SLC6A6: variants seen among roughly 807,000 people sequenced by gnomAD.
The protein encoded by SLC6A6 is sodium- and chloride-dependent taurine transporter.
Under a neutral mutation model 68.8 loss-of-function variants are expected in SLC6A6, and 16 were observed. That is an observed-to-expected ratio of 0.23 (90% CI 0.16 to 0.35). The LOEUF (loss-of-function observed/expected upper bound fraction) is 0.35, where lower values mean the gene tolerates loss of function less well. Ranked by LOEUF, SLC6A6 falls within the 10% of genes least tolerant of loss-of-function variation. The probability of loss-of-function intolerance (pLI) is 1.00; values close to 1 mark genes in which losing one functional copy is unlikely to be tolerated. For missense variants in SLC6A6, 474 were observed against 802.8 expected, an observed-to-expected ratio of 0.59 and a Z score of 4.95; for synonymous variants, 312 against 315.4, an observed-to-expected ratio of 0.99 and a Z score of 0.12.
rs1700160808 is a variant in SLC6A6, at chr3:14,447,756, A to G, written c.539A>G (p.Lys180Arg). 1.9e-6 allele frequency: 3 copies of G among 1,614,104 alleles called. No individual in the cohort carries two copies. In the African/African-American group the frequency reaches 4.0e-5, roughly 22 times the overall value. ...HCMEDTMRKN[K>R]SVWITISSTN... ...ATGGAGGACACCATGCGCAAGAACA[A>G]GAGTGTCTGGATCACCATCAGCTCC... Residue 180 changes from lysine (K) to arginine (R), a missense_variant, in exon 5 of 15, where the codon AAG (lysine) becomes AGG (arginine). Physicochemically the swap from Lys to Arg is conservative, Grantham distance 26. Transcript: ENST00000622186.
chr3:14,409,732 C>T (rs928023220), intron 1 of SLC6A6, among the ~76,000 whole-genome samples: 6 of 152,222 alleles, frequency 3.9e-5, no homozygotes, highest in South Asian at 2.1e-4. Context: ...AGTCTGGGAA[C>T]GCCGCCTCAG....
At chr3:14,480,021 A>G (rs182565368) in intron 13 of SLC6A6, among the ~76,000 whole-genome samples, 2 of 152,198 alleles carry the variant, frequency 1.3e-5, no homozygotes, top group African/African-American at 4.8e-5. Context: ...GTGACCTGCT[A>G]TCAGGCCAGA....
intron 9 of SLC6A6, among the ~76,000 whole-genome samples, chr3:14,471,130 C>CTTTTTT (rs754511089): frequency 7.5e-4 from 62 of 82,968 alleles, no homozygotes; most frequent in Non-Finnish European, 8.6e-4. Flanking sequence ...TGCTTCTTGA[C>CTTTTTT]TTTTTTTTTT....
At chr3:14,448,564 G>A (rs1357709356) in intron 5 of SLC6A6, among the ~76,000 whole-genome samples, 1 of 152,174 alleles carries the variant, frequency 6.6e-6, no homozygotes, top group Non-Finnish European at 1.5e-5. Context: ...GTCAATCCCC[G>A]AAACCCAAGT....
At chr3:14,426,592 GA>G (rs1345472287) in intron 2 of SLC6A6, among the ~76,000 whole-genome samples, 3 of 152,126 alleles carry the variant, frequency 2.0e-5, no homozygotes, top group African/African-American at 7.2e-5. Context: ...TTTAAGGAAA[GA>G]AAAAAATATT....
rs1045448423 is a variant in SLC6A6 at position 14,472,447 on chromosome 3, G to C, written c.1209+130G>C. On this transcript the variant is annotated intron_variant, in intron 10 of 14. Transcript: ENST00000622186. This position sits in a 1 kb window ranked among gnomAD's most constrained non-coding sequence, Gnocchi z 4.5. ...CAGTCAGACTTCCAGTGCTTCAGCT[G>C]TGAGGGTTCCTCCAGGACACCAGGA... The C allele has an allele frequency of 6.1e-6, 4 of 659,726 alleles. No individual in the cohort carries two copies. The highest frequency in any genetic ancestry group is 1.1e-5 in the Non-Finnish European group (4 of 368,916). The allele number at this position is 659,726 out of a possible 1,614,324, so 40.9% of individuals were successfully genotyped here. A position where few individuals can be genotyped will look rare whatever the true frequency, so the allele number is the denominator to read the frequency against.
Position 14,477,482 on chromosome 3 carries a change from A to C in SLC6A6, c.1347+140A>C, listed in dbSNP as rs1700906103. 1.2e-6 allele frequency: 1 copy of C among 835,788 alleles called. No homozygotes were observed. Among genetic ancestry groups the C allele is most frequent in the Non-Finnish European group, 1.9e-6 (1 of 524,206 alleles). The allele number at this position is 835,788 out of a possible 1,614,324, so 51.8% of individuals were successfully genotyped here. On this transcript the variant is annotated intron_variant, in intron 11 of 14. Coordinates refer to ENST00000622186, the MANE Select transcript of SLC6A6 (RefSeq NM_003043.6). This position sits in a 1 kb window ranked among gnomAD's most constrained non-coding sequence, Gnocchi z 4.2. Reference sequence around the variant, plus strand: ...CACCCAATTCAGGGGTCCTGCTTGGACCAACACTGGGGGTAGCACGAGGGG... The same window carrying C: ...CACCCAATTCAGGGGTCCTGCTTGGCCCAACACTGGGGGTAGCACGAGGGG...
At chr3:14,417,255 C>T (rs1170647265) in intron 2 of SLC6A6, among the ~76,000 whole-genome samples, 1 of 152,170 alleles carries the variant, frequency 6.6e-6, no homozygotes, top group Non-Finnish European at 1.5e-5. Flanking sequence ...TTACAGTGGC[C>T]TCGCATTATG....
Position 14,477,379 on chromosome 3 carries a change from C to T in SLC6A6, c.1347+37C>T, listed in dbSNP as rs1299437080. On this transcript the variant is annotated intron_variant, in intron 11 of 14. Transcript: ENST00000622186. This position sits in a 1 kb window ranked among gnomAD's most constrained non-coding sequence, Gnocchi z 4.2. ...TCTCAGCTGTGTTTCAGGCTTGGTGCTCCAGTGCCCTCCTCAAGGCCATAG... is the reference window on the plus strand; with the variant it reads ...TCTCAGCTGTGTTTCAGGCTTGGTGTTCCAGTGCCCTCCTCAAGGCCATAG... 6.2e-7 allele frequency: 1 copy of T among 1,605,566 alleles called. No individual in the cohort carries two copies. Among genetic ancestry groups the T allele is most frequent in the Admixed American group, 1.7e-5 (1 of 59,812 alleles).
At chr3:14,410,335 T>C (rs1056209249) in intron 1 of SLC6A6, among the ~76,000 whole-genome samples, 3 of 152,178 alleles carry the variant, frequency 2.0e-5, no homozygotes, top group East Asian at 3.8e-4. Context: ...TTCGGTGATA[T>C]TGTTCATGAC....
intron 10 of SLC6A6, among the ~76,000 whole-genome samples, chr3:14,475,198 ATT>A (rs541924411): frequency 2.7e-5 from 4 of 145,694 alleles, no homozygotes; most frequent in Non-Finnish European, 3.0e-5. Flanking sequence ...TACCTGGCTA[ATT>A]TTTTTTTTTT....
chr3:14,429,987 G>A (rs1030504106), intron 2 of SLC6A6, among the ~76,000 whole-genome samples: 1 of 152,152 alleles, frequency 6.6e-6, no homozygotes, highest in African/African-American at 2.4e-5. Context: ...GAAGAGTCTT[G>A]GGTGGGCGGG....
chr3:14,411,549 C>T (rs538900885), intron 1 of SLC6A6, among the ~76,000 whole-genome samples: 58 of 152,280 alleles, frequency 3.8e-4, no homozygotes, highest in Non-Finnish European at 5.7e-4. Context: ...GGCCTGAGCT[C>T]GGACCTTTAT....
rs1479572632 is a variant in SLC6A6, at chr3:14,473,187, T to C, written c.1209+870T>C. On this transcript the variant is annotated intron_variant, in intron 10 of 14. Coordinates refer to ENST00000622186, the MANE Select transcript of SLC6A6 (RefSeq NM_003043.6). The stretch of plus-strand genomic sequence containing the variant: ...ACTTGAGCTCCTGGGCCCCTTTCCC[T>C]GGAAATAGGTGTATTTTTGACAGGG... Among the ~76,000 whole-genome samples the C allele has an allele frequency of 2.0e-5, 3 of 152,190 alleles. No homozygotes were observed. The East Asian group carries it at 5.8e-4, about 29-fold the overall frequency.
chr3:14,419,586 C>T (rs1047811022), intron 2 of SLC6A6, among the ~76,000 whole-genome samples: 1 of 152,170 alleles, frequency 6.6e-6, no homozygotes, highest in African/African-American at 2.4e-5. Flanking sequence ...GGAGGAGTCA[C>T]AGAACTACCC....
chr3:14,439,370 G>A lies in SLC6A6; in HGVS notation c.-11-4254G>A, dbSNP rs773379061. Among the ~76,000 whole-genome samples the A allele has an allele frequency of 2.6e-5, 4 of 152,256 alleles. No individual in the cohort carries two copies. The East Asian group carries it at 5.8e-4, about 22-fold the overall frequency. On this transcript the variant is annotated intron_variant, in intron 2 of 14. Transcript: ENST00000622186. ...AATCTTAATATTAAACAGGGAGACAGCAAAGGGATATTGTGGCAAGCCATG... is the reference window on the plus strand; with the variant it reads ...AATCTTAATATTAAACAGGGAGACAACAAAGGGATATTGTGGCAAGCCATG...
chr3:14,484,116 G>A (rs1441647307), intron 14 of SLC6A6, among the ~76,000 whole-genome samples: 1 of 152,176 alleles, frequency 6.6e-6, no homozygotes, highest in African/African-American at 2.4e-5. Flanking sequence ...TTGACAGTTG[G>A]CAAGAGGTGG....
At position 14,481,847 on chromosome 3, in the gene SLC6A6, T is replaced by A; in HGVS notation, c.1722+6T>A. On this transcript the variant is annotated splice_donor_region_variant and intron_variant, in intron 14 of 14. Transcript: ENST00000622186. This position sits in a 1 kb window ranked among gnomAD's most constrained non-coding sequence, Gnocchi z 4.7. Reference sequence around the variant, plus strand: ...CTGAGGGGCCGTTCCTTGTGGTAAGTGCTTGGGCCCAGGGCCAGGGGAGGT... The same window carrying A: ...CTGAGGGGCCGTTCCTTGTGGTAAGAGCTTGGGCCCAGGGCCAGGGGAGGT... 1 of 1,613,002 alleles carries A rather than the reference T, an allele frequency of 6.2e-7. No homozygotes were observed. The highest frequency in any genetic ancestry group is 1.1e-5 in the South Asian group (1 of 91,028).
chr3:14,472,132 G>T lies in SLC6A6; in HGVS notation c.1097-73G>T. The T allele has an allele frequency of 1.1e-6, 1 of 905,624 alleles. No homozygotes were observed. Among genetic ancestry groups the T allele is most frequent in the Non-Finnish European group, 1.8e-6 (1 of 545,860 alleles). 56.1% of individuals were successfully genotyped at this position (905,624 alleles called of 1,614,324 possible). On this transcript the variant is annotated intron_variant, in intron 9 of 14. Coordinates refer to ENST00000622186, the MANE Select transcript of SLC6A6 (RefSeq NM_003043.6). This position sits in a 1 kb window ranked among gnomAD's most constrained non-coding sequence, Gnocchi z 4.5. Reference sequence around the variant, plus strand: ...TTTGGGTCTGAGTGTCTTTGTGTGAGCCCAGGGTTCCCAGTGGCTTGGTGG... The same window carrying T: ...TTTGGGTCTGAGTGTCTTTGTGTGATCCCAGGGTTCCCAGTGGCTTGGTGG...
Sources: gnomAD v4.1 joint callset for allele counts (sites outside exome capture counted in the v4.1 genomes callset) on GRCh38, gnomAD v4.1.1 for gene constraint, Gnocchi (gnomAD v3.1) non-coding constraint, MANE v1.5 for transcripts, NCBI Gene and HGNC (gene_info 2026-07-23, HGNC 2026-07-21) for gene names.